Variants in SCN1A observed in about 807,000 individuals in gnomAD.
SCN1A encodes the protein sodium voltage-gated channel alpha subunit 1, also known as sodium channel protein type 1 subunit alpha.
Under a neutral mutation model 193.7 loss-of-function variants are expected in SCN1A, and 13 were observed. That is an observed-to-expected ratio of 0.07 (90% CI 0.04 to 0.11). SCN1A has a LOEUF of 0.11. SCN1A is among the 10% of genes least tolerant of loss of function. The pLI is 1.00. For synonymous variants in SCN1A, 781 were observed against 843.6 expected, an observed-to-expected ratio of 0.93 and a Z score of 1.29; for missense variants, 1,432 against 2,451.1, an observed-to-expected ratio of 0.58 and a Z score of 8.78.
At chr2:166,107,210 T>G (rs1688789864) in intron 2 of SCN1A, among the ~76,000 whole-genome samples, 1 of 152,320 alleles carries the variant, frequency 6.6e-6, no homozygotes, top group East Asian at 1.9e-4. Context: ...AGCATTTATC[T>G]GCAACTCTGG....
At chr2:166,068,622 A>T (rs1032659598) in intron 4 of SCN1A, among the ~76,000 whole-genome samples, 7 of 152,192 alleles carry the variant, frequency 4.6e-5, no homozygotes, top group Non-Finnish European at 1.0e-4. Flanking sequence ...TAAAAACAAA[A>T]CAAACTCTCT....
At chr2:166,033,047 G>T (rs1574151132) in intron 19 of SCN1A, among the ~76,000 whole-genome samples, 4 of 152,112 alleles carry the variant, frequency 2.6e-5, no homozygotes, top group Non-Finnish European at 4.4e-5. Context: ...GTTTAAGTAG[G>T]TCACCACATA....
At chr2:166,063,975 C>T (rs1683582557) in intron 4 of SCN1A, among the ~76,000 whole-genome samples, 1 of 152,044 alleles carries the variant, frequency 6.6e-6, no homozygotes, top group South Asian at 2.1e-4. Flanking sequence ...AAGCTCATAC[C>T]TTCTTCAGCA....
chr2:166,129,617 CT>C (rs1480554092), upstream of SCN1A, among the ~76,000 whole-genome samples: 1 of 152,092 alleles, frequency 6.6e-6, no homozygotes, highest in Non-Finnish European at 1.5e-5. Context: ...TGATCAACAA[CT>C]GGTAAACGAT....
intron 1 of SCN1A, among the ~76,000 whole-genome samples, chr2:166,142,923 G>A (rs115913991): frequency 7.0e-4 from 106 of 152,260 alleles, no homozygotes; most frequent in Middle Eastern, 3.4e-3. Context: ...CATGTAAGGC[G>A]TGTCTTTTCT....
At chr2:166,123,521 G>A (rs1690871229) in intron 2 of SCN1A, 1 of 152,056 alleles carries the variant, frequency 6.6e-6, no homozygotes, top group Non-Finnish European at 1.5e-5. Flanking sequence ...GTGAGAAGAG[G>A]GGAAAGCGTA....
chr2:166,045,476 A>C, intron 12 of SCN1A, 149 bp from the exon 13 acceptor site: 2 of 877,888 alleles, frequency 2.3e-6, no homozygotes, highest in Non-Finnish European at 3.3e-6. Flanking sequence ...GTATAAGAGG[A>C]GATTTTTTTT....
At chr2:166,139,555 G>A (rs570358011) in intron 1 of SCN1A, among the ~76,000 whole-genome samples, 5 of 152,320 alleles carry the variant, frequency 3.3e-5, no homozygotes, top group East Asian at 1.9e-4. Context: ...CCCCAGCCAC[G>A]TGGAACTATG....
intron 2 of SCN1A, among the ~76,000 whole-genome samples, chr2:166,106,564 C>A (rs746310395): frequency 6.6e-6 from 1 of 152,002 alleles, no homozygotes; most frequent in African/African-American, 2.4e-5. Context: ...AGAAGGAGTG[C>A]GGCACTGAAG....
At chr2:166,003,890 C>T (rs1691292318) in intron 23 of SCN1A, among the ~76,000 whole-genome samples, 1 of 146,916 alleles carries the variant, frequency 6.8e-6, no homozygotes, top group Non-Finnish European at 1.5e-5. Flanking sequence ...AAAAAAAATA[C>T]ATGAGCCAAT....
chr2:166,145,157 T>C (rs1412809393), intron 1 of SCN1A, among the ~76,000 whole-genome samples: 208 of 10,988 alleles, frequency 0.019, 1 homozygote, highest in Admixed American at 0.027. Context: ...TTTTTTTTTT[T>C]TTTTTTTTTT....
chr2:166,104,530 C>T (rs1376019808), intron 2 of SCN1A, among the ~76,000 whole-genome samples: 3 of 152,076 alleles, frequency 2.0e-5, no homozygotes, highest in African/African-American at 7.2e-5. Flanking sequence ...ATTGCTTGAG[C>T]TCACAAGCTC....
chr2:166,053,124 T>G, intron 7 of SCN1A, 181 bp from the exon 8 acceptor site: 1 of 1,144,848 alleles, frequency 8.7e-7, no homozygotes, highest in Non-Finnish European at 1.3e-6. Flanking sequence ...CAAATTCTGT[T>G]ACAAACCTGT....
chr2:166,107,032 GC>G (rs1457998896), intron 2 of SCN1A, among the ~76,000 whole-genome samples: 1 of 152,026 alleles, frequency 6.6e-6, no homozygotes, highest in African/African-American at 2.4e-5. Flanking sequence ...CTTCTTAACA[GC>G]TACATACATT....
intron 19 of SCN1A, among the ~76,000 whole-genome samples, chr2:166,034,644 G>A (rs763862396): frequency 6.6e-6 from 1 of 152,136 alleles, no homozygotes; most frequent in Non-Finnish European, 1.5e-5. Context: ...TTCAAAGTAG[G>A]TTGCTATGGA....
chr2:166,094,679 G>T (rs143724078), intron 2 of SCN1A, among the ~76,000 whole-genome samples: 189 of 152,232 alleles, frequency 1.2e-3, no homozygotes, highest in African/African-American at 4.0e-3. Flanking sequence ...TAGTTGCTAC[G>T]CATGGAGTAG....
chr2:166,031,842 A>G (rs1293818471), intron 19 of SCN1A, among the ~76,000 whole-genome samples: 2 of 152,142 alleles, frequency 1.3e-5, no homozygotes, highest in Non-Finnish European at 2.9e-5. Context: ...AGATGAGGAA[A>G]CTGATTATTA....
At chr2:166,028,444 G>A (rs78817410) in intron 19 of SCN1A, among the ~76,000 whole-genome samples, 5,513 of 152,056 alleles carry the variant, frequency 0.036, 364 homozygotes, top group African/African-American at 0.12. Flanking sequence ...TGTCTACTGG[G>A]CAAATAAACT....
intron 19 of SCN1A, among the ~76,000 whole-genome samples, chr2:166,032,501 GA>G (rs1223771786): frequency 2.0e-5 from 3 of 152,026 alleles, no homozygotes; most frequent in Admixed American, 2.0e-4. Context: ...TTGATGAACA[GA>G]ATACAGTATA....
Sources: gnomAD v4.1 joint callset for allele counts (sites outside exome capture counted in the v4.1 genomes callset) on GRCh38, gnomAD v4.1.1 for gene constraint, MANE v1.5 for transcripts, NCBI Gene and HGNC (gene_info 2026-07-23, HGNC 2026-07-21) for gene names.